Variants in ZFYVE28 observed in about 807,000 individuals in gnomAD.
ZFYVE28 encodes the protein lateral signaling target protein 2 homolog.
A neutral mutation model predicts 82.1 loss-of-function variants in ZFYVE28; 40 were observed. The observed-to-expected ratio is 0.49, with a 90% CI of 0.38 to 0.63. The LOEUF (loss-of-function observed/expected upper bound fraction) is 0.63, where lower values mean the gene tolerates loss of function less well. ZFYVE28 is among the 30% of genes least tolerant of loss of function. ZFYVE28 has a pLI of 0.00. For synonymous variants in ZFYVE28, 612 were observed against 546.1 expected (o/e 1.12, Z -1.68); for missense variants, 1,321 against 1,242.1 (o/e 1.06, Z -0.96).
intron 8 of ZFYVE28, among the ~76,000 whole-genome samples, chr4:2,275,904 T>C (rs1736388777): frequency 6.6e-6 from 1 of 151,810 alleles, no homozygotes; most frequent in African/African-American, 2.4e-5. Flanking sequence ...CCGCCAGCAA[T>C]GGAATGGAAG....
At chr4:2,383,844 G>T (rs60905613) in intron 1 of ZFYVE28, among the ~76,000 whole-genome samples, 2 of 152,154 alleles carry the variant, frequency 1.3e-5, no homozygotes, top group African/African-American at 4.8e-5. Flanking sequence ...GTGTGGTGTC[G>T]CTGGCGTGTG....
rs1727700897 is a variant in ZFYVE28 at position 2,372,717 on chromosome 4, T to G, written c.40-18644A>C. 6.6e-6 allele frequency among the ~76,000 whole-genome samples: 1 copy of G among 152,084 alleles called. No individual in the cohort carries two copies. The highest frequency in any genetic ancestry group is 1.5e-5 in the Non-Finnish European group (1 of 67,992). On this transcript the variant is annotated intron_variant, in intron 1 of 12. Transcript: ENST00000290974. The surrounding 1 kb of genome is among the most constrained non-coding windows in gnomAD (Gnocchi z 5.2). ...AGGCAGGGGCAGGCACTCCAGGGCT[T>G]CGCTGATTGTGTCAGTTAAACTCCG...
chr4:2,343,406 C>G (rs971677252), intron 2 of ZFYVE28: 5 of 152,126 alleles, frequency 3.3e-5, no homozygotes, highest in African/African-American at 1.2e-4. Context: ...GAAGCATGAC[C>G]CTTCTCAGGC....
chr4:2,403,854 A>G (rs1417429578), intron 1 of ZFYVE28, among the ~76,000 whole-genome samples: 1 of 152,104 alleles, frequency 6.6e-6, no homozygotes, highest in African/African-American at 2.4e-5. Context: ...CTGTGGTCCC[A>G]GCTACTCAGG....
Position 2,418,241 on chromosome 4 carries a change from A to G in ZFYVE28, c.39+44T>C. 1 of 1,523,530 alleles carries G rather than the reference A, an allele frequency of 6.6e-7. No homozygotes were observed. 94.4% of individuals were successfully genotyped at this position (1,523,530 alleles called of 1,614,324 possible). ...GGACGGGCGGTCCTGGGGAAGGGAG[A>G]GGCCGCGACGCGGGGGGCGTCCGGC... On this transcript the variant is annotated intron_variant, in intron 1 of 12. Coordinates refer to ENST00000290974, the MANE Select transcript of ZFYVE28 (RefSeq NM_020972.3). This position sits in a 1 kb window ranked among gnomAD's most constrained non-coding sequence, Gnocchi z 4.6.
intron 6 of ZFYVE28, among the ~76,000 whole-genome samples, chr4:2,322,039 C>T (rs1719157645): frequency 6.6e-6 from 1 of 152,242 alleles, no homozygotes; most frequent in Admixed American, 6.5e-5. Flanking sequence ...GGCTGTGTCC[C>T]CACATCCAGC....
At chr4:2,302,009 T>A (rs1292322492) in intron 8 of ZFYVE28, among the ~76,000 whole-genome samples, 3 of 152,148 alleles carry the variant, frequency 2.0e-5, no homozygotes, top group Non-Finnish European at 4.4e-5. Context: ...CAGCCTCGCA[T>A]GAGGCCCTGC....
At chr4:2,291,447 G>C (rs541596433) in intron 8 of ZFYVE28, among the ~76,000 whole-genome samples, 1 of 152,150 alleles carries the variant, frequency 6.6e-6, no homozygotes, top group African/African-American at 2.4e-5. Flanking sequence ...CCCCGAGGAG[G>C]GGCCAATGCT....
At chr4:2,371,074 G>A (rs1727495743) in intron 1 of ZFYVE28, among the ~76,000 whole-genome samples, 1 of 152,192 alleles carries the variant, frequency 6.6e-6, no homozygotes, top group Admixed American at 6.5e-5. Flanking sequence ...TAGGTTTCGG[G>A]CCCCGCTCCT....
chr4:2,345,029 G>A (rs566949971), intron 2 of ZFYVE28, among the ~76,000 whole-genome samples: 11 of 152,094 alleles, frequency 7.2e-5, no homozygotes, highest in African/African-American at 2.4e-4. Flanking sequence ...GGCTAACACA[G>A]TGAAACCCCG....
intron 7 of ZFYVE28, among the ~76,000 whole-genome samples, chr4:2,311,167 T>G (rs1578029994): frequency 6.6e-6 from 1 of 152,182 alleles, no homozygotes; most frequent in Non-Finnish European, 1.5e-5. Flanking sequence ...TAATTTATGT[T>G]TTATCTTTTT....
chr4:2,404,863 T>TC (rs1364647973), intron 1 of ZFYVE28, among the ~76,000 whole-genome samples: 1 of 125,840 alleles, frequency 7.9e-6, no homozygotes, highest in Non-Finnish European at 1.8e-5. Context: ...CGCTCTTTTT[T>TC]TTTTTTTTTT....
At chr4:2,399,473 C>T (rs532447115) in intron 1 of ZFYVE28, among the ~76,000 whole-genome samples, 6 of 152,210 alleles carry the variant, frequency 3.9e-5, no homozygotes, top group Non-Finnish European at 8.8e-5. Context: ...GTCCCCAAGC[C>T]AGCTATACCC....
intron 2 of ZFYVE28, among the ~76,000 whole-genome samples, chr4:2,349,790 C>T (rs1487986890): frequency 6.6e-6 from 1 of 151,428 alleles, no homozygotes; most frequent in Admixed American, 6.6e-5. Context: ...CGTTGACACA[C>T]AAAAAAAGCA....
At chr4:2,404,046 C>A (rs1731506798) in intron 1 of ZFYVE28, among the ~76,000 whole-genome samples, 1 of 150,806 alleles carries the variant, frequency 6.6e-6, no homozygotes, top group Non-Finnish European at 1.5e-5. Context: ...ATGGGCCGGG[C>A]ATGGTGGCTC....
chr4:2,284,977 A>G (rs1035167381), intron 8 of ZFYVE28, among the ~76,000 whole-genome samples: 16 of 152,226 alleles, frequency 1.1e-4, no homozygotes, highest in Admixed American at 6.5e-4. Context: ...CTAACCCCCA[A>G]TACCTTAAAA....
chr4:2,404,857 C>CTTTTTTTTT (rs11404626), intron 1 of ZFYVE28, among the ~76,000 whole-genome samples: 1 of 110,994 alleles, frequency 9.0e-6, no homozygotes, highest in Non-Finnish European at 1.7e-5. Context: ...CAGTCTCGCT[C>CTTTTTTTTT]TTTTTTTTTT....
intron 1 of ZFYVE28, among the ~76,000 whole-genome samples, chr4:2,412,421 C>G (rs1380784276): frequency 6.6e-6 from 1 of 152,178 alleles, no homozygotes; most frequent in Non-Finnish European, 1.5e-5. Flanking sequence ...GATCTCCTCA[C>G]ATGCTCCCAA....
Position 2,341,557 on chromosome 4 carries a change from G to A in ZFYVE28, c.239C>T (p.Ala80Val). ...GAACTTGACGCAGAAATCTCTGGGG[G>A]CGCGGTCCTGGGGGATGCACTCATC... ...IMDECIPQDR[A>V]PRDFCVKFPE... Residue 80 changes from alanine (A) to valine (V), a missense_variant, in exon 3 of 13, where the codon GCC (alanine) becomes GTC (valine). By Grantham distance (64) the Ala-to-Val change is moderately conservative. Transcript: ENST00000290974. The surrounding 1 kb of genome is among the most constrained non-coding windows in gnomAD (Gnocchi z 4.5). 2 of 1,614,116 alleles carry A rather than the reference G, an allele frequency of 1.2e-6. No homozygotes were observed. The highest frequency in any genetic ancestry group is 1.7e-6 in the Non-Finnish European group (2 of 1,180,016).
Sources: gnomAD v4.1 joint callset for allele counts (sites outside exome capture counted in the v4.1 genomes callset) on GRCh38, gnomAD v4.1.1 for gene constraint, Gnocchi (gnomAD v3.1) non-coding constraint, MANE v1.5 for transcripts, NCBI Gene and HGNC (gene_info 2026-07-23, HGNC 2026-07-21) for gene names.